The following SPATA33 variants were observed in gnomAD, a reference collection of about 807,000 sequenced individuals.
SPATA33 encodes the protein spermatogenesis-associated protein 33.
In SPATA33, 10 loss-of-function variants were observed where a neutral mutation model predicts 8.9. That is an observed-to-expected ratio of 1.12 (90% CI 0.69 to 1.90). The LOEUF is 1.90. Ranked by LOEUF, SPATA33 falls within the 40% of genes most tolerant of loss-of-function variation. The probability of loss-of-function intolerance (pLI) is 0.00; values close to 1 mark genes in which losing one functional copy is unlikely to be tolerated. For synonymous variants in SPATA33, 96 were observed against 72.8 expected (o/e 1.32, Z -1.63); for missense variants, 241 against 178.3 (o/e 1.35, Z -2.00).
intron 2 of SPATA33, chr16:89,660,064 T>G: frequency 6.4e-6 from 1 of 155,552 alleles, no homozygotes; most frequent in Non-Finnish European, 1.4e-5. Context: ...ACACAGGGAT[T>G]TAATGTCTCA....
At chr16:89,664,005 A>G (rs1275201669) in intron 2 of SPATA33, among the ~76,000 whole-genome samples, 1 of 152,056 alleles carries the variant, frequency 6.6e-6, no homozygotes, top group Non-Finnish European at 1.5e-5. Context: ...TGTAGCCCCA[A>G]CTAATCAGGG....
At chr16:89,668,109 C>G (rs1276332443) in intron 2 of SPATA33, 1 of 152,290 alleles carries the variant, frequency 6.6e-6, no homozygotes, top group Admixed American at 6.5e-5. Context: ...GTCGGGAGTT[C>G]AAGACCAGCC....
Position 89,669,759 on chromosome 16 carries a change from G to T in SPATA33, c.*262G>T. ...TGCACCAGGCCTGCCCCCGCCGTGAGAAACTGCAGTCCCCTTCTCCAGTGC... is the reference window on the plus strand; with the variant it reads ...TGCACCAGGCCTGCCCCCGCCGTGATAAACTGCAGTCCCCTTCTCCAGTGC... On this transcript the variant is annotated 3_prime_UTR_variant, in exon 3 of 3. Transcript: ENST00000579310. 1 of 443,816 alleles carries T rather than the reference G, an allele frequency of 2.3e-6. No individual in the cohort carries two copies. Among genetic ancestry groups the T allele is most frequent in the Non-Finnish European group, 4.0e-6 (1 of 248,888 alleles). 27.5% of individuals were successfully genotyped at this position (443,816 alleles called of 1,614,324 possible).
chr16:89,658,142 C>G, intron 1 of SPATA33, 106 bp from the exon 2 acceptor site: 1 of 1,550,824 alleles, frequency 6.4e-7, no homozygotes, highest in East Asian at 2.3e-5. Flanking sequence ...AGACTCGAGA[C>G]TTGAAGCCAG....
At chr16:89,660,325 A>C in intron 2 of SPATA33, 1 of 494,356 alleles carries the variant, frequency 2.0e-6, no homozygotes, top group Non-Finnish European at 3.2e-6. Context: ...GTGCAAATTC[A>C]CCAGGGGCTG....
intron 2 of SPATA33, chr16:89,659,020 C>G (rs1231431992): frequency 6.5e-6 from 1 of 153,050 alleles, no homozygotes; most frequent in Non-Finnish European, 1.5e-5. Flanking sequence ...AACGGAGGTG[C>G]TGCCTGGGGC....
chr16:89,665,494 T>A lies in SPATA33; in HGVS notation c.212-3792T>A, dbSNP rs576143511. Among the ~76,000 whole-genome samples, 756 of 150,522 alleles carry A rather than the reference T, an allele frequency of 5.0e-3. 6 individuals carry two copies. Among genetic ancestry groups the A allele is most frequent in the African/African-American group, 0.018 (720 of 41,132 alleles). On this transcript the variant is annotated intron_variant, in intron 2 of 2. Coordinates refer to ENST00000579310, the MANE Select transcript of SPATA33 (RefSeq NM_001271907.2). ...TAATTTTTTGTATTTTTTTTTTTTT[T>A]AAGTAGAGATGGGGTTTCACTATGT...
In SPATA33 at chr16:89,657,907, C is replaced by G. The variant is rs2059901860; in HGVS notation, c.-5C>G. ...CTTGCGTCGGAGGGGGCGGTGGGCT[C>G]ACCCATGGGCCTTTCCAAAAGCAAA... On this transcript the variant is annotated 5_prime_UTR_variant, in exon 1 of 3. Transcript: ENST00000579310. 2 of 1,516,812 alleles carry G rather than the reference C, an allele frequency of 1.3e-6. No individual in the cohort carries two copies. The highest frequency in any genetic ancestry group is 1.8e-6 in the Non-Finnish European group (2 of 1,139,560). The allele number at this position is 1,516,812 out of a possible 1,614,324, so 94.0% of individuals were successfully genotyped here. A position where few individuals can be genotyped will look rare whatever the true frequency, so the allele number is the denominator to read the frequency against.
At chr16:89,658,476 C>A in intron 2 of SPATA33, 55 bp downstream of exon 2, 1 of 1,547,850 alleles carries the variant, frequency 6.5e-7, no homozygotes, top group Non-Finnish European at 8.7e-7. Context: ...GGATCTGGGG[C>A]TGGGGTGAGG....
Position 89,664,125 on chromosome 16 carries a change from C to T in SPATA33, c.212-5161C>T, listed in dbSNP as rs535163854. On this transcript the variant is annotated intron_variant, in intron 2 of 2. Transcript: ENST00000579310. ...CAGAGTAAGACCCTATTTATGCTTC[C>T]TAGCAAGGAAAGACAGTACACATAT... is the stretch of plus-strand genomic sequence containing the variant. 7.2e-5 allele frequency among the ~76,000 whole-genome samples: 11 copies of T among 152,230 alleles called. No individual in the cohort carries two copies. The East Asian group carries it at 1.5e-3, about 21-fold the overall frequency.
intron 1 of SPATA33, 83 bp downstream of exon 1, chr16:89,658,031 T>G: frequency 6.8e-7 from 1 of 1,466,280 alleles, no homozygotes; most frequent in Non-Finnish European, 8.9e-7. Context: ...GGCGGGGCGG[T>G]GTGAGCGCAG....
At position 89,669,733 on chromosome 16, in the gene SPATA33, G is replaced by T; in HGVS notation, c.*236G>T. On this transcript the variant is annotated 3_prime_UTR_variant, in exon 3 of 3. Coordinates refer to ENST00000579310, the MANE Select transcript of SPATA33 (RefSeq NM_001271907.2). ...CCCTTCTCCAGTGCTCTCAGGGAGG[G>T]TGCACCAGGCCTGCCCCCGCCGTGA... 7.5e-6 allele frequency: 4 copies of T among 531,456 alleles called. No individual in the cohort carries two copies. The highest frequency in any genetic ancestry group is 2.2e-5 in the African/African-American group (1 of 45,242). 32.9% of individuals were successfully genotyped at this position (531,456 alleles called of 1,614,324 possible). A position where few individuals can be genotyped will look rare whatever the true frequency, so the allele number is the denominator to read the frequency against.
In SPATA33 at chr16:89,669,738, C is replaced by A; in HGVS notation, c.*241C>A. The A allele has an allele frequency of 3.7e-6, 2 of 538,930 alleles. No individual in the cohort carries two copies. Among genetic ancestry groups the A allele is most frequent in the Non-Finnish European group, 6.6e-6 (2 of 302,020 alleles). 33.4% of individuals were successfully genotyped at this position (538,930 alleles called of 1,614,324 possible). ...CTCCAGTGCTCTCAGGGAGGGTGCA[C>A]CAGGCCTGCCCCCGCCGTGAGAAAC... On this transcript the variant is annotated 3_prime_UTR_variant, in exon 3 of 3. Coordinates refer to ENST00000579310, the MANE Select transcript of SPATA33 (RefSeq NM_001271907.2).
At chr16:89,668,854 T>G (rs2060060469) in intron 2 of SPATA33, among the ~76,000 whole-genome samples, 1 of 152,220 alleles carries the variant, frequency 6.6e-6, no homozygotes, top group East Asian at 1.9e-4. Flanking sequence ...GTGAGCAACA[T>G]CAGACATGTC....
At chr16:89,658,495 G>T (rs990489790) in intron 2 of SPATA33, 74 bp downstream of exon 2, 1 of 1,518,162 alleles carries the variant, frequency 6.6e-7, no homozygotes. Flanking sequence ...GGAGCCTACT[G>T]TAAGACCCTA....
At chr16:89,662,437 A>G (rs1186499125) in intron 2 of SPATA33, among the ~76,000 whole-genome samples, 1 of 150,544 alleles carries the variant, frequency 6.6e-6, no homozygotes, top group African/African-American at 2.4e-5. Context: ...TTTTTTTGAA[A>G]TGGAGTTTCC....
At chr16:89,668,327 G>GAAT (rs1190232801) in intron 2 of SPATA33, among the ~76,000 whole-genome samples, 7 of 152,320 alleles carry the variant, frequency 4.6e-5, no homozygotes, top group Middle Eastern at 6.8e-3. Context: ...CTAAGAAGAA[G>GAAT]ATTAATAATA....
intron 2 of SPATA33, among the ~76,000 whole-genome samples, chr16:89,662,321 A>T (rs1597803538): frequency 6.6e-6 from 1 of 152,188 alleles, no homozygotes; most frequent in South Asian, 2.1e-4. Context: ...TCAGGAAAAA[A>T]ACGAAGAAAG....
intron 2 of SPATA33, among the ~76,000 whole-genome samples, chr16:89,666,069 G>A (rs1258798385): frequency 6.6e-6 from 1 of 152,110 alleles, no homozygotes; most frequent in African/African-American, 2.4e-5. Flanking sequence ...CGACAAGAGT[G>A]AGAATCCATC....
Sources: allele counts gnomAD v4.1 joint callset (sites outside exome capture counted in the v4.1 genomes callset), GRCh38; gene constraint gnomAD v4.1.1; transcripts MANE v1.5; gene names NCBI Gene and HGNC (gene_info 2026-07-23, HGNC 2026-07-21).